The following TMEM132D variants were observed in gnomAD, a reference collection of about 807,000 sequenced individuals.
The protein encoded by TMEM132D is mature OL transmembrane protein.
A neutral mutation model predicts 62.3 loss-of-function variants in TMEM132D; 21 were observed. That is an observed-to-expected ratio of 0.34 (90% CI 0.24 to 0.49). The LOEUF is 0.49. Among genes scored for constraint, TMEM132D ranks in the 20% least tolerant of loss-of-function variants. TMEM132D has a pLI of 0.99. For synonymous variants in TMEM132D, 621 were observed against 575.6 expected, an observed-to-expected ratio of 1.08 and a Z score of -1.13; for missense variants, 1,346 against 1,402.8, an observed-to-expected ratio of 0.96 and a Z score of 0.65.
intron 3 of TMEM132D, among the ~76,000 whole-genome samples, chr12:129,357,152 C>A (rs1870090032): frequency 6.7e-6 from 1 of 148,684 alleles, no homozygotes; most frequent in African/African-American, 2.5e-5. Context: ...GAGGCTGAGG[C>A]AGGAGAATGG....
chr12:129,742,634 C>T (rs1027442251), intron 1 of TMEM132D, among the ~76,000 whole-genome samples: 2 of 152,142 alleles, frequency 1.3e-5, no homozygotes, highest in African/African-American at 4.8e-5. Flanking sequence ...AGTTTTGCTC[C>T]AGGAGTAGCT....
intron 4 of TMEM132D, among the ~76,000 whole-genome samples, chr12:129,248,525 A>AT (rs34055164): frequency 6.2e-4 from 93 of 149,770 alleles, no homozygotes; most frequent in South Asian, 1.9e-3. Context: ...ACAGGGGCTG[A>AT]TTTTTTTTTT....
intron 1 of TMEM132D, among the ~76,000 whole-genome samples, chr12:129,793,913 A>G (rs1480734024): frequency 1.3e-5 from 2 of 152,152 alleles, no homozygotes; most frequent in Admixed American, 1.3e-4. Flanking sequence ...GACACATAGG[A>G]ACTTAATTTT....
At chr12:129,777,089 A>C (rs1870963062) in intron 1 of TMEM132D, among the ~76,000 whole-genome samples, 4 of 152,214 alleles carry the variant, frequency 2.6e-5, no homozygotes, top group Non-Finnish European at 5.9e-5. Context: ...TGGGTCTATA[A>C]ATTGTAAACC....
At chr12:129,708,047 T>C (rs1170238814) in intron 1 of TMEM132D, among the ~76,000 whole-genome samples, 1 of 152,050 alleles carries the variant, frequency 6.6e-6, no homozygotes. Flanking sequence ...TGAAAGCCTG[T>C]CTCTACTAAA....
chr12:129,466,568 C>G (rs1327241162), intron 3 of TMEM132D, among the ~76,000 whole-genome samples: 1 of 152,122 alleles, frequency 6.6e-6, no homozygotes, highest in African/African-American at 2.4e-5. Context: ...AATCCTCTAT[C>G]ACCTATAATA....
At chr12:129,448,013 C>T (rs985006153) in intron 3 of TMEM132D, among the ~76,000 whole-genome samples, 1 of 152,096 alleles carries the variant, frequency 6.6e-6, no homozygotes. Flanking sequence ...TCGTCTGTGG[C>T]GTTTTCAGCG....
intron 1 of TMEM132D, among the ~76,000 whole-genome samples, chr12:129,721,034 AG>A (rs1406380052): frequency 2.6e-5 from 4 of 152,218 alleles, no homozygotes; most frequent in Non-Finnish European, 5.9e-5. Context: ...GAGGGACCAC[AG>A]GTGCAGAGAA....
intron 2 of TMEM132D, among the ~76,000 whole-genome samples, chr12:129,599,049 A>G (rs558399879): frequency 3.1e-4 from 47 of 152,186 alleles, no homozygotes; most frequent in Non-Finnish European, 4.4e-4. Context: ...TGAGAGAGAA[A>G]ATGCAAGCCC....
In TMEM132D at chr12:129,531,152, G is replaced by T; in HGVS notation, c.1022C>A (p.Ser341Tyr). Residue 341 changes from serine to tyrosine, a missense_variant, in exon 3 of 9, where the codon TCC (serine) becomes TAC (tyrosine). Transcript: ENST00000422113. Reference protein sequence around the residue: ...NIIGVRASSPSIWDVKERTDY... With the variant: ...NIIGVRASSPYIWDVKERTDY... ...CGTGCGCTCCTTGACATCCCAAATGGAAGGGCTGCTGGCTCGCACGCCGAT... is the reference window on the plus strand; with the variant it reads ...CGTGCGCTCCTTGACATCCCAAATGTAAGGGCTGCTGGCTCGCACGCCGAT... The T allele has an allele frequency of 6.2e-7, 1 of 1,613,886 alleles. No homozygotes were observed. Among genetic ancestry groups the T allele is most frequent in the Non-Finnish European group, 8.5e-7 (1 of 1,179,934 alleles).
At chr12:129,711,591 G>A (rs1881645697) in intron 1 of TMEM132D, among the ~76,000 whole-genome samples, 1 of 152,114 alleles carries the variant, frequency 6.6e-6, no homozygotes. Context: ...GCCGGGCATG[G>A]TGGCGCAGGC....
At chr12:129,639,366 G>A (rs972311466) in intron 2 of TMEM132D, among the ~76,000 whole-genome samples, 10 of 120,138 alleles carry the variant, frequency 8.3e-5, no homozygotes, top group Non-Finnish European at 1.6e-4. Flanking sequence ...CTGGGTGACA[G>A]AGCGAGACTC....
At chr12:129,095,734 T>G (rs542271252) in intron 5 of TMEM132D, among the ~76,000 whole-genome samples, 8 of 152,024 alleles carry the variant, frequency 5.3e-5, no homozygotes, top group Admixed American at 1.3e-4. Flanking sequence ...GGAACGGTCA[T>G]GGGAGAACAC....
Position 129,809,424 on chromosome 12 carries a change from G to T in TMEM132D, c.79+93837C>A, listed in dbSNP as rs1872098175. Among the ~76,000 whole-genome samples the T allele has an allele frequency of 2.0e-5, 3 of 152,066 alleles. No individual in the cohort carries two copies. In the South Asian group the frequency reaches 6.2e-4, roughly 32 times the overall value. On this transcript the variant is annotated intron_variant, in intron 1 of 8. Transcript: ENST00000422113. ...CACTCCAAGGGGAAGGAACACGGGA[G>T]CCGGGATGGACACCCTGGGGTGCCA...
At chr12:129,293,089 G>A (rs1881489613) in intron 4 of TMEM132D, among the ~76,000 whole-genome samples, 1 of 152,186 alleles carries the variant, frequency 6.6e-6, no homozygotes, top group African/African-American at 2.4e-5. Context: ...AATTGACAGA[G>A]ACTTGACTAG....
At chr12:129,392,391 C>T (rs956888415) in intron 3 of TMEM132D, among the ~76,000 whole-genome samples, 7 of 152,190 alleles carry the variant, frequency 4.6e-5, no homozygotes, top group Non-Finnish European at 7.3e-5. Flanking sequence ...TCCCAGCTGA[C>T]TGAACAACAA....
intron 2 of TMEM132D, among the ~76,000 whole-genome samples, chr12:129,588,506 G>A (rs1046038172): frequency 6.6e-6 from 1 of 152,196 alleles, no homozygotes; most frequent in African/African-American, 2.4e-5. Context: ...GAAATAGGAT[G>A]CATGGAGTTG....
chr12:129,806,741 C>G lies in TMEM132D; in HGVS notation c.79+96520G>C, dbSNP rs141582240. The stretch of plus-strand genomic sequence containing the variant: ...AAAAAATAAAAAAATAAAGTAATTA[C>G]CAGGCCAGGCACGGTGGTTCAGGCC... On this transcript the variant is annotated intron_variant, in intron 1 of 8. Transcript: ENST00000422113. 6.8e-3 allele frequency among the ~76,000 whole-genome samples: 1,028 copies of G among 152,090 alleles called. 14 individuals carry two copies. Among genetic ancestry groups the G allele is most frequent in the African/African-American group, 0.024 (976 of 41,516 alleles).
At chr12:129,563,433 C>A (rs1877291213) in intron 2 of TMEM132D, among the ~76,000 whole-genome samples, 1 of 152,168 alleles carries the variant, frequency 6.6e-6, no homozygotes, top group African/African-American at 2.4e-5. Context: ...TCCCAGCCCT[C>A]TTTCTTTGAT....
Sources: allele counts gnomAD v4.1 joint callset (sites outside exome capture counted in the v4.1 genomes callset), GRCh38; gene constraint gnomAD v4.1.1; transcripts MANE v1.5; gene names NCBI Gene and HGNC (gene_info 2026-07-23, HGNC 2026-07-21).